Variants in GSG1L observed in about 807,000 individuals in gnomAD.
GSG1L encodes germ cell-specific gene 1-like protein.
GSG1L carries 24 observed loss-of-function variants against 42.1 expected under a neutral mutation model. The ratio of observed to expected loss-of-function variants is 0.57; its 90% CI spans 0.41 to 0.80. The LOEUF (loss-of-function observed/expected upper bound fraction) is 0.80, where lower values mean the gene tolerates loss of function less well. Ranked by LOEUF, GSG1L falls within the 30% of genes least tolerant of loss-of-function variation. GSG1L has a pLI of 0.00. For synonymous variants in GSG1L, 215 were observed against 203.5 expected (o/e 1.06, Z -0.48); for missense variants, 445 against 472.2 (o/e 0.94, Z 0.53).
chr16:27,944,239 T>A (rs979670933), intron 2 of GSG1L, among the ~76,000 whole-genome samples: 1 of 152,212 alleles, frequency 6.6e-6, no homozygotes, highest in Non-Finnish European at 1.5e-5. Flanking sequence ...TTCCCAATTT[T>A]AAAAAGGTTT....
intron 1 of GSG1L, among the ~76,000 whole-genome samples, chr16:28,019,921 C>T (rs1217163675): frequency 5.9e-5 from 9 of 152,216 alleles, no homozygotes; most frequent in African/African-American, 2.2e-4. Flanking sequence ...GCTGCTCTAT[C>T]ATCATGCTCA....
intron 3 of GSG1L, among the ~76,000 whole-genome samples, chr16:27,856,254 G>C (rs1348437140): frequency 1.3e-5 from 2 of 152,134 alleles, no homozygotes; most frequent in African/African-American, 4.8e-5. Context: ...GGGACAGTGG[G>C]GGACAAAATA....
intron 1 of GSG1L, among the ~76,000 whole-genome samples, chr16:28,033,695 T>C (rs1001541455): frequency 3.9e-5 from 6 of 151,940 alleles, no homozygotes; most frequent in Non-Finnish European, 8.8e-5. Context: ...AACAAAAAAT[T>C]AAAATAAAAT....
intron 3 of GSG1L, among the ~76,000 whole-genome samples, chr16:27,880,011 C>A (rs1424568200): frequency 6.6e-6 from 1 of 152,134 alleles, no homozygotes; most frequent in East Asian, 1.9e-4. Flanking sequence ...TTGGGCTGAG[C>A]TGGTCCAGCA....
intron 4 of GSG1L, 33 bp from the exon 5 acceptor site, chr16:27,828,989 G>A (rs760564911): frequency 6.2e-7 from 1 of 1,608,200 alleles, no homozygotes; most frequent in Non-Finnish European, 8.5e-7. Flanking sequence ...ATGCCATCGT[G>A]AGGGTGGGCA....
intron 1 of GSG1L, among the ~76,000 whole-genome samples, chr16:27,990,663 C>A (rs965345145): frequency 3.3e-5 from 5 of 152,208 alleles, no homozygotes; most frequent in Non-Finnish European, 7.3e-5. Flanking sequence ...AAAGAATTCA[C>A]CCAATTCATA....
In GSG1L at chr16:27,884,555, A is replaced by G. The variant is rs1472301758; in HGVS notation, c.481T>C (p.Phe161Leu). ...VGFSLMCLELFHSSNVIDGLK... is the reference protein window; with the variant it reads ...VGFSLMCLELLHSSNVIDGLK... ...CCGTCGATGACATTGCTGGAGTGGA[A>G]GAGCTCGAGACACATGAGGCTGAAG... is the stretch of plus-strand genomic sequence containing the variant. The change falls in exon 3 of 7, where the codon TTC becomes CTC. Residue 161 changes from phenylalanine to leucine, a missense_variant. Physicochemically the swap from Phe to Leu is conservative, Grantham distance 22. Transcript: ENST00000447459. This position sits in a 1 kb window ranked among gnomAD's most constrained non-coding sequence, Gnocchi z 4.4. 6 of 1,613,688 alleles carry G rather than the reference A, an allele frequency of 3.7e-6. No individual in the cohort carries two copies. In the African/African-American group the frequency reaches 8.0e-5, roughly 22 times the overall value.
At chr16:28,003,538 G>A (rs1396187428) in intron 1 of GSG1L, among the ~76,000 whole-genome samples, 1 of 152,212 alleles carries the variant, frequency 6.6e-6, no homozygotes, top group Non-Finnish European at 1.5e-5. Flanking sequence ...CAGGTCACAT[G>A]TCCAGCTCTA....
At chr16:27,800,069 T>C (rs908953971) in intron 6 of GSG1L, among the ~76,000 whole-genome samples, 1 of 152,158 alleles carries the variant, frequency 6.6e-6, no homozygotes, top group Admixed American at 6.5e-5. Context: ...CATGTGTCTC[T>C]GATGCTCCTG....
At position 28,017,488 on chromosome 16, in the gene GSG1L, C is replaced by T. The variant is rs192299375; in HGVS notation, c.349+45588G>A. ...CAAAGGAATCCGTGCCAGAGCAACTCTTCCCTGTGGCACCCTGAGCCATGG... is the reference window on the plus strand; with the variant it reads ...CAAAGGAATCCGTGCCAGAGCAACTTTTCCCTGTGGCACCCTGAGCCATGG... On this transcript the variant is annotated intron_variant, in intron 1 of 6. Coordinates refer to ENST00000447459, the MANE Select transcript of GSG1L (RefSeq NM_001109763.2). Among the ~76,000 whole-genome samples, 24 of 152,356 alleles carry T rather than the reference C, an allele frequency of 1.6e-4. No individual in the cohort carries two copies. In the East Asian group the frequency reaches 4.4e-3, roughly 28 times the overall value.
chr16:27,837,490 G>A (rs918299801), intron 4 of GSG1L, among the ~76,000 whole-genome samples: 13 of 152,202 alleles, frequency 8.5e-5, no homozygotes, highest in Admixed American at 7.9e-4. Flanking sequence ...TACCTGGCTG[G>A]GAGGGGCCAG....
At chr16:27,801,171 C>A (rs1482687237) in intron 6 of GSG1L, among the ~76,000 whole-genome samples, 1 of 152,042 alleles carries the variant, frequency 6.6e-6, no homozygotes, top group South Asian at 2.1e-4. Context: ...TTGGCTGGGG[C>A]AGCATGGGAG....
chr16:28,045,855 G>T (rs756756556), intron 1 of GSG1L, among the ~76,000 whole-genome samples: 3 of 151,976 alleles, frequency 2.0e-5, no homozygotes, highest in Non-Finnish European at 4.4e-5. Flanking sequence ...AATTAGACAG[G>T]CATGGTGGCA....
intron 3 of GSG1L, among the ~76,000 whole-genome samples, chr16:27,864,277 G>A (rs2083690287): frequency 6.6e-6 from 1 of 152,236 alleles, no homozygotes; most frequent in Non-Finnish European, 1.5e-5. Flanking sequence ...GAGATGTGGT[G>A]CAGTAAACAT....
chr16:28,063,084 C>T lies in GSG1L; in HGVS notation c.341G>A (p.Ser114Asn). 1.4e-6 allele frequency: 2 copies of T among 1,430,536 alleles called. No individual in the cohort carries two copies. The highest frequency in any genetic ancestry group is 1.3e-5 in the South Asian group (1 of 75,220). The allele number at this position is 1,430,536 out of a possible 1,614,324, so 88.6% of individuals were successfully genotyped here. The part of the protein sequence containing the change: ...GIWYSCEEEL[S>N]GLGEKCRSFI... ...CGCCCGCGCGCACTCACCAAGCCCG[C>T]TGAGCTCCTCCTCGCACGAGTACCA... The change falls in exon 1 of 7, where the codon AGC (serine) becomes AAC (asparagine). Residue 114 changes from serine (S) to asparagine (N), a missense_variant. By Grantham distance (46) the Ser-to-Asn change is conservative. This residue lies in a region of GSG1L where 149 missense variants were observed against 223.3 expected (regional missense o/e 0.67). Coordinates refer to ENST00000447459, the MANE Select transcript of GSG1L (RefSeq NM_001109763.2). The surrounding 1 kb of genome is among the most constrained non-coding windows in gnomAD (Gnocchi z 5.8).
intron 2 of GSG1L, among the ~76,000 whole-genome samples, chr16:27,935,917 G>A (rs1213871057): frequency 6.7e-6 from 1 of 148,674 alleles, no homozygotes; most frequent in Non-Finnish European, 1.5e-5. Context: ...CACAGATGAT[G>A]CTGCCTGGTG....
chr16:27,857,427 CAA>C (rs11401928), intron 3 of GSG1L, among the ~76,000 whole-genome samples: 25 of 124,822 alleles, frequency 2.0e-4, no homozygotes, highest in Non-Finnish European at 2.2e-4. Flanking sequence ...GACTACATCT[CAA>C]AAAAAAAAAA....
At chr16:28,045,064 GA>G (rs2141188647) in intron 1 of GSG1L, among the ~76,000 whole-genome samples, 1 of 151,624 alleles carries the variant, frequency 6.6e-6, no homozygotes, top group South Asian at 2.1e-4. Context: ...TTGGGGGAAA[GA>G]AAGGACAAAA....
At chr16:27,964,173 T>C (rs534309538) in intron 1 of GSG1L, among the ~76,000 whole-genome samples, 22 of 151,922 alleles carry the variant, frequency 1.4e-4, no homozygotes, top group African/African-American at 4.6e-4. Flanking sequence ...CTACTAAAAA[T>C]ACAAAAACTA....
Sources: gnomAD v4.1 joint callset for allele counts (sites outside exome capture counted in the v4.1 genomes callset) on GRCh38, gnomAD v4.1.1 for gene constraint, gnomAD v4.1.1 regional missense constraint, Gnocchi (gnomAD v3.1) non-coding constraint, MANE v1.5 for transcripts, NCBI Gene and HGNC (gene_info 2026-07-23, HGNC 2026-07-21) for gene names.